BRPF1: variants seen among roughly 807,000 people sequenced by gnomAD.
BRPF1 encodes the protein bromodomain and PHD finger containing 1, also known as peregrin.
In BRPF1, 15 loss-of-function variants were observed where a neutral mutation model predicts 115.0. The observed-to-expected ratio is 0.13, with a 90% CI of 0.09 to 0.20. The LOEUF (loss-of-function observed/expected upper bound fraction) is 0.20. Among genes scored for constraint, BRPF1 ranks in the 10% least tolerant of loss-of-function variants. BRPF1 has a pLI of 1.00. For synonymous variants in BRPF1, 647 were observed against 619.8 expected (o/e 1.04, Z -0.65); for missense variants, 1,118 against 1,638.3 (o/e 0.68, Z 5.48).
chr3:9,746,220 C>A, intron 12 of BRPF1, 80 bp from the exon 13 acceptor site: 1 of 1,464,460 alleles, frequency 6.8e-7, no homozygotes, highest in Non-Finnish European at 9.1e-7. Flanking sequence ...CCACTTCAGA[C>A]ATACTCTCTA....
Position 9,741,967 on chromosome 3 carries a change from G to C in BRPF1, c.1855-58G>C, listed in dbSNP as rs1170692109. The C allele has an allele frequency of 3.1e-6, 5 of 1,601,626 alleles. 1 individual carries two copies. In the Admixed American group the frequency reaches 8.5e-5, roughly 27 times the overall value. ...CAGGCCAGCTGGGACCATATCCTCA[G>C]ACCTCTTTGCCACTGAACTGGCCGA... On this transcript the variant is annotated intron_variant, in intron 5 of 13. Transcript: ENST00000383829.
intron 3 of BRPF1, 58 bp from the exon 4 acceptor site, chr3:9,740,721 G>T: frequency 6.3e-7 from 1 of 1,591,692 alleles, no homozygotes; most frequent in East Asian, 2.3e-5. Context: ...AGAGACCCTT[G>T]CTCTGCTTAA....
rs73113541 is a variant in BRPF1, at chr3:9,740,305, C to T, written c.1559+347C>T. 3.8e-3 allele frequency among the ~76,000 whole-genome samples: 581 copies of T among 152,238 alleles called. 5 individuals are homozygous for T. Among genetic ancestry groups the T allele is most frequent in the Middle Eastern group, 0.014 (4 of 294 alleles). On this transcript the variant is annotated intron_variant, in intron 3 of 13. Transcript: ENST00000383829. The stretch of plus-strand genomic sequence containing the variant: ...ATGAAGAAACAAATAGAATGAAAAG[C>T]GGGGAAGGGGAAGCTCAAGAAGTTG...
At chr3:9,733,894 AT>A (rs1407121459) in intron 1 of BRPF1, among the ~76,000 whole-genome samples, 1 of 151,108 alleles carries the variant, frequency 6.6e-6, no homozygotes, top group African/African-American at 2.4e-5. Context: ...ATTCTCCTAC[AT>A]GATGTGAGAT....
At chr3:9,735,748 G>A (rs558052903) in intron 2 of BRPF1, among the ~76,000 whole-genome samples, 2 of 152,262 alleles carry the variant, frequency 1.3e-5, no homozygotes, top group African/African-American at 4.8e-5. Flanking sequence ...AAAGATGAAG[G>A]GATATGGGGG....
At chr3:9,744,974 G>A (rs377702355) in intron 9 of BRPF1, 34 bp from the exon 10 acceptor site, 15 of 1,613,766 alleles carry the variant, frequency 9.3e-6, no homozygotes, top group Admixed American at 6.7e-5. Flanking sequence ...CTTCCTGACC[G>A]GTTCCTTCCC....
chr3:9,738,420 C>T (rs1408142983), intron 2 of BRPF1, among the ~76,000 whole-genome samples: 1 of 152,206 alleles, frequency 6.6e-6, no homozygotes, highest in Non-Finnish European at 1.5e-5. Context: ...TGTTATCTCC[C>T]AAGGCTATCC....
At chr3:9,744,011 T>A in intron 8 of BRPF1, 110 bp downstream of exon 8, 1 of 1,370,404 alleles carries the variant, frequency 7.3e-7, no homozygotes, top group South Asian at 1.5e-5. Context: ...CACAGCTAGC[T>A]GTACTTTCTC....
rs1312045795 is a variant in BRPF1 at position 9,747,951 on chromosome 3, G to T, written c.*602G>T. 6.6e-6 allele frequency: 1 copy of T among 151,484 alleles called. No homozygotes were observed. The allele number at this position is 151,484 out of a possible 1,614,324, so 9.4% of individuals were successfully genotyped here. On this transcript the variant is annotated 3_prime_UTR_variant, in exon 14 of 14. Coordinates refer to ENST00000383829, the MANE Select transcript of BRPF1 (RefSeq NM_001003694.2). The surrounding 1 kb of genome is among the most constrained non-coding windows in gnomAD (Gnocchi z 5.6). ...CATAGATTCCCCCACCTTTCAAACT[G>T]GTTTGTATTTATTTCAAAGGAAGAA...
chr3:9,746,074 C>T, intron 12 of BRPF1, 144 bp downstream of exon 12: 2 of 1,059,032 alleles, frequency 1.9e-6, no homozygotes, highest in Admixed American at 2.7e-5. Flanking sequence ...GCTTGAGTAC[C>T]ACTTAGAGGC....
At position 9,743,348 on chromosome 3, in the gene BRPF1, A is replaced by G. The variant is rs11928210; in HGVS notation, c.2311+95A>G. 6.0e-4 allele frequency: 884 copies of G among 1,478,772 alleles called. 9 individuals are homozygous for G. The African/African-American group carries it at 0.011, about 18-fold the overall frequency. The allele number at this position is 1,478,772 out of a possible 1,614,324, so 91.6% of individuals were successfully genotyped here. A position where few individuals can be genotyped will look rare whatever the true frequency, so the allele number is the denominator to read the frequency against. On this transcript the variant is annotated intron_variant, in intron 7 of 13. Coordinates refer to ENST00000383829, the MANE Select transcript of BRPF1 (RefSeq NM_001003694.2). This position sits in a 1 kb window ranked among gnomAD's most constrained non-coding sequence, Gnocchi z 6.1. ...CCTGGGAGCAGGCAGTGTAGGCAGAAAGCAGCTAGGCTGAGCAGTGGCAAG... is the reference window on the plus strand; with the variant it reads ...CCTGGGAGCAGGCAGTGTAGGCAGAGAGCAGCTAGGCTGAGCAGTGGCAAG...
At chr3:9,746,029 A>G in intron 12 of BRPF1, 99 bp downstream of exon 12, 1 of 1,375,584 alleles carries the variant, frequency 7.3e-7, no homozygotes, top group Admixed American at 2.1e-5. Context: ...TGGGGCACAG[A>G]GTTTCTTGGT....
In BRPF1 at chr3:9,747,995, AAAT is replaced by A. The variant is rs1230858198; in HGVS notation, c.*649_*651del. Reference sequence around the variant, plus strand: ...GGAAGAAAATATATTGATTCTTAGAAAATAAACTGTCAATTTAGAATTCTTTGT... The same window carrying A: ...GGAAGAAAATATATTGATTCTTAGAAAAACTGTCAATTTAGAATTCTTTGT... On this transcript the variant is annotated 3_prime_UTR_variant, in exon 14 of 14. Transcript: ENST00000383829. This position sits in a 1 kb window ranked among gnomAD's most constrained non-coding sequence, Gnocchi z 5.6. The A allele has an allele frequency of 1.2e-4, 19 of 152,416 alleles. No individual in the cohort carries two copies. The highest frequency in any genetic ancestry group is 4.6e-4 in the African/African-American group (19 of 41,452). The allele number at this position is 152,416 out of a possible 1,614,324, so 9.4% of individuals were successfully genotyped here.
At chr3:9,737,230 G>C (rs913667038) in intron 2 of BRPF1, among the ~76,000 whole-genome samples, 1 of 152,228 alleles carries the variant, frequency 6.6e-6, no homozygotes, top group Non-Finnish European at 1.5e-5. Context: ...ATGAGTGCCT[G>C]TATCTGTATG....
intron 9 of BRPF1, 35 bp from the exon 10 acceptor site, chr3:9,744,973 C>G (rs199695321): frequency 6.2e-7 from 1 of 1,613,936 alleles, no homozygotes; most frequent in Non-Finnish European, 8.5e-7. Flanking sequence ...TCTTCCTGAC[C>G]GGTTCCTTCC....
At chr3:9,746,148 T>C (rs2077122011) in intron 12 of BRPF1, 152 bp from the exon 13 acceptor site, 2 of 1,176,120 alleles carry the variant, frequency 1.7e-6, no homozygotes, top group East Asian at 4.8e-5. Flanking sequence ...TGAAATAATT[T>C]AGCATGGAAA....
In BRPF1 at chr3:9,746,287, A is replaced by G. The variant is rs374811308; in HGVS notation, c.3325-13A>G. 7.2e-6 allele frequency: 11 copies of G among 1,537,622 alleles called. No individual in the cohort carries two copies. The African/African-American group carries it at 9.7e-5, about 14-fold the overall frequency. On this transcript the variant is annotated splice_polypyrimidine_tract_variant and intron_variant, in intron 12 of 13. Coordinates refer to ENST00000383829, the MANE Select transcript of BRPF1 (RefSeq NM_001003694.2). Reference sequence around the variant, plus strand: ...ATGGACTGAACCAAACTGGGCTCTTATTATATCCTCAGATCATTGATCCAA... The same window carrying G: ...ATGGACTGAACCAAACTGGGCTCTTGTTATATCCTCAGATCATTGATCCAA...
At chr3:9,744,891 A>T in intron 9 of BRPF1, 117 bp from the exon 10 acceptor site, 1 of 1,409,118 alleles carries the variant, frequency 7.1e-7, no homozygotes, top group Non-Finnish European at 1.0e-6. Context: ...CCAAGGTTGG[A>T]GGAATTTTCC....
intron 5 of BRPF1, among the ~76,000 whole-genome samples, chr3:9,741,725 T>C (rs2077035084): frequency 6.6e-6 from 1 of 151,700 alleles, no homozygotes; most frequent in African/African-American, 2.4e-5. Flanking sequence ...GAGTCAGGTC[T>C]CCTGGTGCTC....
Sources: allele counts gnomAD v4.1 joint callset (sites outside exome capture counted in the v4.1 genomes callset), GRCh38; gene constraint gnomAD v4.1.1; non-coding constraint Gnocchi (gnomAD v3.1); transcripts MANE v1.5; gene names NCBI Gene and HGNC (gene_info 2026-07-23, HGNC 2026-07-21).